BMPR2: variants seen among roughly 807,000 people sequenced by gnomAD.
The protein encoded by BMPR2 is bone morphogenetic protein receptor type 2, also known as bone morphogenetic protein receptor type-2.
In BMPR2, 29 loss-of-function variants were observed where a neutral mutation model predicts 100.8. The observed-to-expected ratio is 0.29, with a 90% confidence interval of 0.21 to 0.39. The LOEUF (loss-of-function observed/expected upper bound fraction) is 0.39, where lower values mean the gene tolerates loss of function less well. Among genes scored for constraint, BMPR2 ranks in the 10% least tolerant of loss-of-function variants. The probability of loss-of-function intolerance (pLI) is 1.00; values close to 1 mark genes in which losing one functional copy is unlikely to be tolerated. For missense variants in BMPR2, 1,011 were observed against 1,274.5 expected, an observed-to-expected ratio of 0.79 and a Z score of 3.15; for synonymous variants, 382 against 442.3, an observed-to-expected ratio of 0.86 and a Z score of 1.71.
chr2:202,482,271 T>C (rs1322609894), intron 3 of BMPR2, among the ~76,000 whole-genome samples: 1 of 152,230 alleles, frequency 6.6e-6, no homozygotes, highest in African/African-American at 2.4e-5. Flanking sequence ...TGAATAAAGC[T>C]CCAATGAATG....
At chr2:202,427,317 G>A (rs1490876305) in intron 1 of BMPR2, among the ~76,000 whole-genome samples, 1 of 139,832 alleles carries the variant, frequency 7.2e-6, no homozygotes, top group Non-Finnish European at 1.5e-5. Context: ...CTGAGATCGC[G>A]CCACTGCACT....
At chr2:202,417,546 G>A (rs1441182209) in intron 1 of BMPR2, among the ~76,000 whole-genome samples, 8 of 150,932 alleles carry the variant, frequency 5.3e-5, no homozygotes, top group East Asian at 4.0e-4. Flanking sequence ...CAGGTGATAC[G>A]CCCGCCTTGG....
intron 1 of BMPR2, among the ~76,000 whole-genome samples, chr2:202,417,052 G>A (rs889910973): frequency 2.6e-5 from 4 of 152,010 alleles, no homozygotes; most frequent in Admixed American, 2.6e-4. Context: ...TAGCCAGGAT[G>A]GTCTGAATTT....
chr2:202,497,477 C>CT (rs1403735445), intron 3 of BMPR2, among the ~76,000 whole-genome samples: 4 of 152,200 alleles, frequency 2.6e-5, no homozygotes, highest in Non-Finnish European at 5.9e-5. Context: ...AAAGGGCTCT[C>CT]TAACAACCCC....
intron 7 of BMPR2, among the ~76,000 whole-genome samples, chr2:202,524,187 CCT>C (rs760899480): frequency 5.9e-5 from 9 of 151,786 alleles, no homozygotes; most frequent in Non-Finnish European, 1.2e-4. Flanking sequence ...ACAGTGAAAC[CCT>C]GTCTCTACTA....
intron 1 of BMPR2, among the ~76,000 whole-genome samples, chr2:202,391,411 T>A (rs1181104580): frequency 6.6e-6 from 1 of 151,616 alleles, no homozygotes; most frequent in Admixed American, 6.6e-5. Context: ...GCTCAAGTGA[T>A]CCTCCCACCT....
intron 1 of BMPR2, among the ~76,000 whole-genome samples, chr2:202,387,053 G>T (rs1034241610): frequency 2.6e-5 from 4 of 152,148 alleles, no homozygotes; most frequent in Admixed American, 6.5e-5. Flanking sequence ...ATCTCATTCA[G>T]AATAATAGTC....
rs1688728984 is a variant in BMPR2 at position 202,564,724 on chromosome 2, A to C, written c.*4778A>C. The C allele has an allele frequency of 6.6e-6, 1 of 152,190 alleles. No homozygotes were observed. Among genetic ancestry groups the C allele is most frequent in the African/African-American group, 2.4e-5 (1 of 41,456 alleles). 9.4% of individuals were successfully genotyped at this position (152,190 alleles called of 1,614,324 possible). A position where few individuals can be genotyped will look rare whatever the true frequency, so the allele number is the denominator to read the frequency against. On this transcript the variant is annotated 3_prime_UTR_variant, in exon 13 of 13. Transcript: ENST00000374580. ...AAAAGAGGGAATCACAGGGCATTTA[A>C]GTGCACCTTCCCATTACTTTCCTTA...
intron 1 of BMPR2, among the ~76,000 whole-genome samples, chr2:202,385,360 G>GTTTTTTTTTT (rs1690404553): frequency 9.1e-6 from 1 of 110,378 alleles, no homozygotes; most frequent in African/African-American, 3.5e-5. Flanking sequence ...AAAAAAAGAT[G>GTTTTTTTTTT]CTTTTTTTTT....
intron 1 of BMPR2, among the ~76,000 whole-genome samples, chr2:202,402,648 TTGTGTGTG>T (rs113771026): frequency 1.5e-4 from 22 of 146,430 alleles, no homozygotes; most frequent in African/African-American, 4.8e-4. Context: ...AAAACTTGCA[TTGTGTGTG>T]TGTGTGTGTG....
intron 3 of BMPR2, among the ~76,000 whole-genome samples, chr2:202,473,882 G>A (rs545481395): frequency 6.6e-6 from 1 of 152,064 alleles, no homozygotes; most frequent in Admixed American, 6.6e-5. Flanking sequence ...CGAGGCAGGC[G>A]GATCATGAGG....
chr2:202,511,093 A>G (rs1687615742), intron 3 of BMPR2, among the ~76,000 whole-genome samples: 1 of 151,290 alleles, frequency 6.6e-6, no homozygotes, highest in Non-Finnish European at 1.5e-5. Flanking sequence ...ACCTCTGTCT[A>G]GTTCCAAAAC....
chr2:202,536,404 G>A lies in BMPR2; in HGVS notation c.1276+3672G>A, dbSNP rs563280657. Among the ~76,000 whole-genome samples, 79 of 151,906 alleles carry A rather than the reference G, an allele frequency of 5.2e-4. 1 individual carries two copies. Among genetic ancestry groups the A allele is most frequent in the Admixed American group, 5.0e-3 (76 of 15,254 alleles). Reference sequence around the variant, plus strand: ...GCCTGGATTACAGGAGTGAGCCACCGCACCAGGCCAAACATTAGTTTGTAA... The same window carrying A: ...GCCTGGATTACAGGAGTGAGCCACCACACCAGGCCAAACATTAGTTTGTAA... On this transcript the variant is annotated intron_variant, in intron 9 of 12. Coordinates refer to ENST00000374580, the MANE Select transcript of BMPR2 (RefSeq NM_001204.7).
At chr2:202,430,231 A>T (rs1011859145) in intron 1 of BMPR2, among the ~76,000 whole-genome samples, 5 of 152,214 alleles carry the variant, frequency 3.3e-5, no homozygotes, top group Middle Eastern at 3.2e-3. Context: ...CTCCAAATAT[A>T]GTCACACTGA....
At chr2:202,437,082 T>C (rs1466704707) in intron 1 of BMPR2, among the ~76,000 whole-genome samples, 1 of 150,518 alleles carries the variant, frequency 6.6e-6, no homozygotes, top group Non-Finnish European at 1.5e-5. Context: ...CTCGGCTCAC[T>C]GCAACCTCTG....
rs1688785893 is a variant in BMPR2, at chr2:202,567,599, T to C, written c.*7653T>C. The stretch of plus-strand genomic sequence containing the variant: ...AGAGTTTTCTATGAATAAGTGTAAG[T>C]AAATGCTTTGATATATATAAACCTA... On this transcript the variant is annotated 3_prime_UTR_variant, in exon 13 of 13. Transcript: ENST00000374580. 6.6e-6 allele frequency: 1 copy of C among 152,630 alleles called. No individual in the cohort carries two copies. The highest frequency in any genetic ancestry group is 1.5e-5 in the Non-Finnish European group (1 of 68,028). The allele number at this position is 152,630 out of a possible 1,614,324, so 9.5% of individuals were successfully genotyped here. A position where few individuals can be genotyped will look rare whatever the true frequency, so the allele number is the denominator to read the frequency against.
At chr2:202,454,839 A>T (rs1454569484) in intron 1 of BMPR2, among the ~76,000 whole-genome samples, 1 of 152,220 alleles carries the variant, frequency 6.6e-6, no homozygotes, top group Non-Finnish European at 1.5e-5. Context: ...AATAGACTCG[A>T]TGTCTTGAAA....
intron 9 of BMPR2, among the ~76,000 whole-genome samples, chr2:202,541,971 C>T (rs1433303160): frequency 1.3e-5 from 2 of 151,796 alleles, no homozygotes; most frequent in South Asian, 2.1e-4. Flanking sequence ...ATTAGCTGGA[C>T]GTGGTGGTGT....
chr2:202,456,818 A>G (rs968326475), intron 1 of BMPR2, among the ~76,000 whole-genome samples: 19 of 152,112 alleles, frequency 1.2e-4, no homozygotes, highest in African/African-American at 4.3e-4. Context: ...TCCAGACTGT[A>G]TAGCACTTTT....
Sources: allele counts gnomAD v4.1 joint callset (sites outside exome capture counted in the v4.1 genomes callset), GRCh38; gene constraint gnomAD v4.1.1; transcripts MANE v1.5; gene names NCBI Gene and HGNC (gene_info 2026-07-23, HGNC 2026-07-21).